Variants in BCCIP observed in about 807,000 individuals in gnomAD.
The protein encoded by BCCIP is BRCA2 and CDKN1A interacting protein.
BCCIP carries 23 observed loss-of-function variants against 32.8 expected under a neutral mutation model. That is an observed-to-expected ratio of 0.70 (90% CI 0.51 to 0.99). The LOEUF is 0.99. BCCIP is among the 50% of genes least tolerant of loss of function. BCCIP has a pLI of 0.00. For missense variants in BCCIP, 378 were observed against 379.8 expected (o/e 1.00, Z 0.04); for synonymous variants, 144 against 137.6 (o/e 1.05, Z -0.33).
intron 5 of BCCIP, among the ~76,000 whole-genome samples, chr10:125,831,926 A>C (rs932924700): frequency 1.1e-4 from 17 of 152,214 alleles, no homozygotes; most frequent in South Asian, 2.1e-4. Context: ...CAACATGAAT[A>C]AAATAATGAA....
At chr10:125,832,995 ACCTGTAAT>A (rs1262714711) in intron 5 of BCCIP, among the ~76,000 whole-genome samples, 1 of 150,370 alleles carries the variant, frequency 6.7e-6, no homozygotes, top group Non-Finnish European at 1.5e-5. Context: ...GGTGGTGCAG[ACCTGTAAT>A]CCCAGCTACT....
intron 2 of BCCIP, 119 bp downstream of exon 2, chr10:125,826,784 G>A (rs1854399553): frequency 1.4e-6 from 2 of 1,453,768 alleles, no homozygotes; most frequent in Non-Finnish European, 1.8e-6. Flanking sequence ...AGGATTGCTT[G>A]AGCCCAGGAG....
rs1166773326 is a variant in BCCIP at position 125,823,564 on chromosome 10, T to G, written c.7T>G (p.Ser3Ala). ...GCGCAGTGTGAGCGGCAACATGGCG[T>G]CCAGGTCTAAGCGGCGTGCCGTGGA... MA[S>A]RSKRRAVESG... Residue 3 changes from serine (S) to alanine (A), a missense_variant, in exon 1 of 7, where the codon TCC (serine) becomes GCC (alanine). By Grantham distance (99) the Ser-to-Ala change is moderately conservative. Transcript: ENST00000278100. 1 of 1,613,522 alleles carries G rather than the reference T, an allele frequency of 6.2e-7. No homozygotes were observed. The highest frequency in any genetic ancestry group is 2.2e-5 in the East Asian group (1 of 44,860).
At chr10:125,826,747 C>G (rs1337548593) in intron 2 of BCCIP, 82 bp downstream of exon 2, 3 of 1,553,732 alleles carry the variant, frequency 1.9e-6, no homozygotes, top group Non-Finnish European at 2.6e-6. Flanking sequence ...TGCCTATAAT[C>G]TCAGCATTTT....
intron 1 of BCCIP, among the ~76,000 whole-genome samples, chr10:125,824,862 G>A (rs1385529179): frequency 1.3e-5 from 2 of 152,250 alleles, no homozygotes; most frequent in African/African-American, 4.8e-5. Flanking sequence ...TAGATGGCTG[G>A]ATCAGAATAA....
chr10:125,850,154 AT>A (rs1156610050), intron 7 of BCCIP, among the ~76,000 whole-genome samples: 2 of 130,796 alleles, frequency 1.5e-5, no homozygotes, highest in Non-Finnish European at 3.3e-5. Context: ...AAAAAAAAAA[AT>A]TTGTAGAGAT....
chr10:125,841,553 A>T, exon 7 of BCCIP: 1 of 1,428,776 alleles, frequency 7.0e-7, no homozygotes. Context: ...TTCTTAAGAT[A>T]ATTTTTCATA....
intron 6 of BCCIP, among the ~76,000 whole-genome samples, chr10:125,834,684 G>T (rs1320048312): frequency 6.6e-6 from 1 of 152,028 alleles, no homozygotes; most frequent in Admixed American, 6.5e-5. Flanking sequence ...GGTGGCAGAT[G>T]CCTGTAATCC....
At chr10:125,838,468 C>G (rs1427505492), downstream of BCCIP, 3 of 1,303,086 alleles carry the variant, frequency 2.3e-6, no homozygotes, top group African/African-American at 4.5e-5. Flanking sequence ...GAAAAAAATA[C>G]CAAAGTATTT....
Position 125,826,649 on chromosome 10 carries a change from A to G in BCCIP, c.224A>G (p.Lys75Arg), listed in dbSNP as rs1854394578. Residue 75 changes from lysine (K) to arginine (R), a missense_variant, in exon 2 of 7, where the codon AAG (lysine) becomes AGG (arginine). Transcript: ENST00000278100. Reference sequence around the variant, plus strand: ...TCAGATAATGATTATGACGGAATTAAGAAATTACTGCAGCAGGTATTGTCT... The same window carrying G: ...TCAGATAATGATTATGACGGAATTAGGAAATTACTGCAGCAGGTATTGTCT... The part of the protein sequence containing the change: ...SLSDNDYDGI[K>R]KLLQQLFLKA... The G allele has an allele frequency of 6.2e-7, 1 of 1,613,566 alleles. No homozygotes were observed. The highest frequency in any genetic ancestry group is 1.1e-5 in the South Asian group (1 of 90,950).
At chr10:125,852,529 G>C (rs1481857772) in intron 7 of BCCIP, 2 of 1,613,116 alleles carry the variant, frequency 1.2e-6, no homozygotes. Context: ...TAGTATTTGT[G>C]TCCACAGCAC....
downstream of BCCIP, chr10:125,838,946 C>A: frequency 6.5e-7 from 1 of 1,532,090 alleles, no homozygotes; most frequent in South Asian, 1.2e-5. Flanking sequence ...GCAGCATATC[C>A]TGAGTATGTG....
downstream of BCCIP, chr10:125,841,408 C>T: frequency 6.2e-7 from 1 of 1,602,944 alleles, no homozygotes; most frequent in Non-Finnish European, 8.5e-7. Flanking sequence ...AAATAAAAAA[C>T]AGGCACACAA....
rs550952791 is a variant in BCCIP, at chr10:125,823,620, A to G, written c.63A>G (p.Pro21=). 27 of 1,614,154 alleles carry G rather than the reference A, an allele frequency of 1.7e-5. No homozygotes were observed. The East Asian group carries it at 5.6e-4, about 33-fold the overall frequency. ...ESGVPQPPDP[P]VQRDEEEEKE... ...GGGTTCCGCAGCCGCCGGATCCCCC[A>G]GTCCAGCGCGACGAGGAAGAGGAAA... Residue 21 remains proline, a synonymous_variant, in exon 1 of 7, where the codon CCA becomes CCG. Transcript: ENST00000278100.
In BCCIP at chr10:125,830,683, A is replaced by G. The variant is rs1052129058; in HGVS notation, c.411+32A>G. 2.9e-6 allele frequency: 4 copies of G among 1,392,408 alleles called. No individual in the cohort carries two copies. In the African/African-American group the frequency reaches 5.8e-5, roughly 20 times the overall value. 86.3% of individuals were successfully genotyped at this position (1,392,408 alleles called of 1,614,324 possible). On this transcript the variant is annotated intron_variant, in intron 4 of 6. Coordinates refer to ENST00000278100, the MANE Select transcript of BCCIP (RefSeq NM_078468.3). ...TTCACTGGATGGCATCTGAATGGTT[A>G]TTTCTTAGGCCAAAACCACTTTTAT... is the stretch of plus-strand genomic sequence containing the variant.
downstream of BCCIP, chr10:125,836,829 T>C (rs771750217): frequency 3.1e-6 from 5 of 1,614,046 alleles, no homozygotes; most frequent in African/African-American, 1.3e-5. Context: ...ATTACTGAAA[T>C]AGTATTGTGG....
chr10:125,849,108 T>A (rs975047003), intron 7 of BCCIP, among the ~76,000 whole-genome samples: 1 of 152,182 alleles, frequency 6.6e-6, no homozygotes, highest in Non-Finnish European at 1.5e-5. Flanking sequence ...CATGCCCCTG[T>A]CCCATGAAGT....
At chr10:125,838,279 A>T (rs1255247122), downstream of BCCIP, 1 of 1,613,556 alleles carries the variant, frequency 6.2e-7, no homozygotes, top group Non-Finnish European at 8.5e-7. Flanking sequence ...AAGAGGACCC[A>T]CTCTGGCATC....
At chr10:125,840,826 A>G, downstream of BCCIP, 2 of 1,553,534 alleles carry the variant, frequency 1.3e-6, no homozygotes, top group Non-Finnish European at 1.7e-6. Context: ...ATTAATAGGT[A>G]GTTTCTGAGC....
Sources: allele counts gnomAD v4.1 joint callset (sites outside exome capture counted in the v4.1 genomes callset), GRCh38; gene constraint gnomAD v4.1.1; transcripts MANE v1.5; gene names NCBI Gene and HGNC (gene_info 2026-07-23, HGNC 2026-07-21).